Variants in KDM2B observed in about 807,000 individuals in gnomAD.
The protein encoded by KDM2B is lysine demethylase 2B.
Under a neutral mutation model 150.0 loss-of-function variants are expected in KDM2B, and 26 were observed. That is an observed-to-expected ratio of 0.17 (90% confidence interval 0.13 to 0.24). The LOEUF (loss-of-function observed/expected upper bound fraction) is 0.24. Ranked by LOEUF, KDM2B falls within the 10% of genes least tolerant of loss-of-function variation. The pLI, the probability that KDM2B is intolerant of heterozygous loss-of-function variation, is 1.00. For synonymous variants in KDM2B, 734 were observed against 729.5 expected, an observed-to-expected ratio of 1.01 and a Z score of -0.10; for missense variants, 1,265 against 1,816.9, an observed-to-expected ratio of 0.70 and a Z score of 5.52.
intron 12 of KDM2B, among the ~76,000 whole-genome samples, chr12:121,472,442 A>G (rs1880867967): frequency 6.6e-6 from 1 of 152,226 alleles, no homozygotes; most frequent in African/African-American, 2.4e-5. Context: ...GAAATTCCTA[A>G]TGTTACTTAA....
chr12:121,580,542 G>A, intron 1 of KDM2B: 1 of 1,230,598 alleles, frequency 8.1e-7, no homozygotes, highest in African/African-American at 1.6e-5. Context: ...CCGAGTTGCA[G>A]GCGGCGGGCG....
chr12:121,578,194 T>C (rs551783442), intron 2 of KDM2B, among the ~76,000 whole-genome samples: 5 of 152,282 alleles, frequency 3.3e-5, no homozygotes, highest in African/African-American at 1.2e-4. Flanking sequence ...CCGGCCCAGG[T>C]AGGGGTTCAG....
intron 12 of KDM2B, among the ~76,000 whole-genome samples, chr12:121,473,023 C>A (rs1555296116): frequency 6.6e-6 from 1 of 152,074 alleles, no homozygotes; most frequent in East Asian, 1.9e-4. Context: ...CAAAAAAGGA[C>A]CTTGGAGAAA....
At chr12:121,541,140 G>A (rs1399704862) in intron 6 of KDM2B, among the ~76,000 whole-genome samples, 1 of 152,088 alleles carries the variant, frequency 6.6e-6, no homozygotes, top group Admixed American at 6.6e-5. Flanking sequence ...GCTGAGGCAG[G>A]AGAATCGCTT....
Position 121,549,102 on chromosome 12 carries a change from G to A in KDM2B, c.577-119C>T, listed in dbSNP as rs1889289452. 2 of 737,226 alleles carry A rather than the reference G, an allele frequency of 2.7e-6. No individual in the cohort carries two copies. Among genetic ancestry groups the A allele is most frequent in the African/African-American group, 1.7e-5 (1 of 57,194 alleles). The allele number at this position is 737,226 out of a possible 1,614,324, so 45.7% of individuals were successfully genotyped here. ...CCCCCAATCTACTGTGGGCTCAATA[G>A]TCCCAACATGGGAGGAAGGAAGGGC... On this transcript the variant is annotated intron_variant, in intron 5 of 22. Transcript: ENST00000377071. The surrounding 1 kb of genome is among the most constrained non-coding windows in gnomAD (Gnocchi z 4.4).
At chr12:121,527,216 AT>A (rs1359741200) in intron 8 of KDM2B, among the ~76,000 whole-genome samples, 185 of 138,292 alleles carry the variant, frequency 1.3e-3, no homozygotes, top group South Asian at 9.7e-3. Flanking sequence ...CGCCCAGATA[AT>A]TTTTTTTTTT....
In KDM2B at chr12:121,509,727, C is replaced by A. The variant is rs782473135; in HGVS notation, c.1487G>T (p.Gly496Val). Residue 496 changes from glycine to valine, a missense_variant, in exon 11 of 23, where the codon GGC becomes GTC. Coordinates refer to ENST00000377071, the MANE Select transcript of KDM2B (RefSeq NM_032590.5). The part of the protein sequence containing the change: ...LAVDYPKTPT[G>V]SPATEVSAKW... ...GGCAGAGACCTCCGTGGCGGGAGAG[C>A]CGGTGGGGGTCTTGGGGTAGTCTAC... 28 of 1,613,986 alleles carry A rather than the reference C, an allele frequency of 1.7e-5. No individual in the cohort carries two copies. The highest frequency in any genetic ancestry group is 2.3e-5 in the Non-Finnish European group (27 of 1,180,024).
Position 121,453,490 on chromosome 12 carries a change from T to C in KDM2B, c.1735-146A>G. ...CCATTCCTCAGAGTGTGATCTTTATTTGGAGATGGGGGCTTTGCAGAGACC... is the reference window on the plus strand; with the variant it reads ...CCATTCCTCAGAGTGTGATCTTTATCTGGAGATGGGGGCTTTGCAGAGACC... On this transcript the variant is annotated intron_variant, in intron 12 of 22. Coordinates refer to ENST00000377071, the MANE Select transcript of KDM2B (RefSeq NM_032590.5). This position sits in a 1 kb window ranked among gnomAD's most constrained non-coding sequence, Gnocchi z 6.4. The C allele has an allele frequency of 3.1e-6, 2 of 643,946 alleles. No individual in the cohort carries two copies. The highest frequency in any genetic ancestry group is 3.9e-5 in the South Asian group (2 of 51,336). 39.9% of individuals were successfully genotyped at this position (643,946 alleles called of 1,614,324 possible).
intron 12 of KDM2B, among the ~76,000 whole-genome samples, chr12:121,484,092 G>C (rs1258748641): frequency 1.3e-5 from 2 of 152,132 alleles, no homozygotes; most frequent in South Asian, 2.1e-4. Context: ...GAGGAAGCTG[G>C]AGAAATCAAT....
intron 4 of KDM2B, among the ~76,000 whole-genome samples, chr12:121,551,612 G>T (rs529721070): frequency 6.6e-6 from 1 of 152,260 alleles, no homozygotes; most frequent in East Asian, 1.9e-4. Context: ...GAGTATAGTG[G>T]CACAATCTCA....
chr12:121,551,252 G>A (rs933544003), intron 4 of KDM2B, among the ~76,000 whole-genome samples: 8 of 152,044 alleles, frequency 5.3e-5, no homozygotes, highest in Non-Finnish European at 1.2e-4. Flanking sequence ...GTAACTCTGT[G>A]TAATCCCAGC....
In KDM2B at chr12:121,483,521, C is replaced by T. The variant is rs369939146; in HGVS notation, c.1734+11058G>A. 9.4e-4 allele frequency among the ~76,000 whole-genome samples: 143 copies of T among 151,842 alleles called. No homozygotes were observed. The South Asian group carries it at 0.021, about 22-fold the overall frequency. On this transcript the variant is annotated intron_variant, in intron 12 of 22. Coordinates refer to ENST00000377071, the MANE Select transcript of KDM2B (RefSeq NM_032590.5). ...GACCCCATCTCTACTAAAAAAAATA[C>T]GAAAATTTAACTGGGCATGGTAGTG...
chr12:121,563,487 A>C (rs28529164), intron 4 of KDM2B, among the ~76,000 whole-genome samples: 119,984 of 151,604 alleles, frequency 0.79, 47,853 homozygotes, highest in East Asian at 0.89. Flanking sequence ...GCTGCCCGTA[A>C]TCCTGGCTAC....
At chr12:121,538,419 C>G (rs1301023358) in intron 6 of KDM2B, among the ~76,000 whole-genome samples, 2 of 152,164 alleles carry the variant, frequency 1.3e-5, no homozygotes, top group African/African-American at 4.8e-5. Context: ...GGAAGCCGCT[C>G]TGACCCCAAG....
rs1555305030 is a variant in KDM2B at position 121,516,547 on chromosome 12, CAA to C, written c.1048-3147_1048-3146del. The C allele has an allele frequency of 2.1e-6, 3 of 1,445,014 alleles. No individual in the cohort carries two copies. The Admixed American group carries it at 7.8e-5, about 37-fold the overall frequency. The allele number at this position is 1,445,014 out of a possible 1,614,324, so 89.5% of individuals were successfully genotyped here. ...TGGGGACATTAAACATACGGTTGCT[CAA>C]CATTATTTGTTGACAGACTCGGAGC... On this transcript the variant is annotated intron_variant, in intron 9 of 22. Coordinates refer to ENST00000377071, the MANE Select transcript of KDM2B (RefSeq NM_032590.5).
intron 12 of KDM2B, among the ~76,000 whole-genome samples, chr12:121,483,476 C>A (rs1882384592): frequency 6.6e-6 from 1 of 151,938 alleles, no homozygotes; most frequent in East Asian, 1.9e-4. Context: ...AGATTGAGAC[C>A]AGCCTTGGCA....
rs781785302 is a variant in KDM2B at position 121,513,340 on chromosome 12, G to A, written c.1110C>T (p.Tyr370=). The part of the protein sequence containing the change: ...YEMCWYVLER[Y]VYCVTQRSHL... Reference sequence around the variant, plus strand: ...GGGAGCGCTGGGTCACACAGTACACGTATCTCTCCAGGACATACCAGCACA... The same window carrying A: ...GGGAGCGCTGGGTCACACAGTACACATATCTCTCCAGGACATACCAGCACA... Residue 370 remains tyrosine, a synonymous_variant, in exon 10 of 23, where the codon TAC becomes TAT. Transcript: ENST00000377071. This position sits in a 1 kb window ranked among gnomAD's most constrained non-coding sequence, Gnocchi z 5.0. The A allele has an allele frequency of 5.6e-6, 9 of 1,613,480 alleles. No homozygotes were observed. The African/African-American group carries it at 8.0e-5, about 14-fold the overall frequency.
intron 2 of KDM2B, among the ~76,000 whole-genome samples, chr12:121,578,432 C>G (rs375926750): frequency 6.6e-6 from 1 of 152,226 alleles, no homozygotes; most frequent in East Asian, 1.9e-4. Context: ...CAGTTCCAGC[C>G]AGGCGGCGGC....
At chr12:121,419,710 T>C in the KDM2B span, among the ~76,000 whole-genome samples, 155 of 152,298 alleles carry the variant, frequency 1.0e-3, no homozygotes, top group African/African-American at 3.6e-3. Context: ...AGTGTTCTGA[T>C]TGAGAAATTT....
Sources: gnomAD v4.1 joint callset for allele counts (sites outside exome capture counted in the v4.1 genomes callset) on GRCh38, gnomAD v4.1.1 for gene constraint, Gnocchi (gnomAD v3.1) non-coding constraint, MANE v1.5 for transcripts, NCBI Gene and HGNC (gene_info 2026-07-23, HGNC 2026-07-21) for gene names.